BST1: variants seen among roughly 807,000 people sequenced by gnomAD.
BST1 encodes ADP-ribosyl cyclase/cyclic ADP-ribose hydrolase 2.
BST1 carries 49 observed loss-of-function variants against 40.6 expected under a neutral mutation model. The ratio of observed to expected loss-of-function variants is 1.21; its 90% CI spans 0.96 to 1.53. The LOEUF (loss-of-function observed/expected upper bound fraction) is 1.53, where lower values mean the gene tolerates loss of function less well. Ranked by LOEUF, BST1 falls within the 40% of genes most tolerant of loss-of-function variation. The pLI, the probability that BST1 is intolerant of heterozygous loss-of-function variation, is 0.00. For synonymous variants in BST1, 157 were observed against 159.3 expected (o/e 0.99, Z 0.11); for missense variants, 423 against 395.9 (o/e 1.07, Z -0.58).
the BST1 span, among the ~76,000 whole-genome samples, chr4:15,763,617 TACAATTTA>T: frequency 2.4e-4 from 36 of 151,998 alleles, no homozygotes; most frequent in Non-Finnish European, 4.3e-4. Flanking sequence ...AGCAGAATTT[TACAATTTA>T]TTAGAGTAAG....
chr4:15,717,021 C>A (rs932629232), intron 6 of BST1, among the ~76,000 whole-genome samples: 3 of 152,112 alleles, frequency 2.0e-5, no homozygotes, highest in African/African-American at 7.2e-5. Flanking sequence ...AGGTGATCCA[C>A]CTGAGGCTTC....
downstream of BST1, among the ~76,000 whole-genome samples, chr4:15,733,439 G>A (rs1375359939): frequency 1.3e-5 from 2 of 152,124 alleles, no homozygotes; most frequent in Non-Finnish European, 2.9e-5. Flanking sequence ...ACAGAGTGCT[G>A]ACTGGTGCAT....
chr4:15,741,672 T>C (rs1208636123), downstream of BST1, among the ~76,000 whole-genome samples: 1 of 152,210 alleles, frequency 6.6e-6, no homozygotes, highest in Non-Finnish European at 1.5e-5. Context: ...CATTATTTCA[T>C]GGCGTCTGAA....
intron 1 of BST1, among the ~76,000 whole-genome samples, chr4:15,704,043 G>GA (rs1719730603): frequency 6.8e-6 from 1 of 147,808 alleles, no homozygotes; most frequent in African/African-American, 2.5e-5. Context: ...TTCTAGAGGT[G>GA]TGTGTGTATC....
At chr4:15,710,173 C>T (rs1720113387) in intron 3 of BST1, among the ~76,000 whole-genome samples, 1 of 151,780 alleles carries the variant, frequency 6.6e-6, no homozygotes, top group African/African-American at 2.4e-5. Flanking sequence ...ATGGTCTTGC[C>T]ATGTTGCCCA....
At chr4:15,767,362 G>T in the BST1 span, among the ~76,000 whole-genome samples, 3 of 151,290 alleles carry the variant, frequency 2.0e-5, no homozygotes, top group South Asian at 2.1e-4. Flanking sequence ...GGAGTGTAAT[G>T]GTGTGATCTC....
At chr4:15,741,040 T>C (rs1469026960), downstream of BST1, among the ~76,000 whole-genome samples, 3 of 152,014 alleles carry the variant, frequency 2.0e-5, no homozygotes, top group Non-Finnish European at 2.9e-5. Flanking sequence ...TTACTGATGA[T>C]ATTGATTAGG....
chr4:15,754,147 G>A, the BST1 span, among the ~76,000 whole-genome samples: 3 of 152,192 alleles, frequency 2.0e-5, no homozygotes, highest in Non-Finnish European at 2.9e-5. Context: ...GGAAAACCAC[G>A]ATGGAGGCCT....
At chr4:15,767,092 G>A in the BST1 span, among the ~76,000 whole-genome samples, 18 of 151,336 alleles carry the variant, frequency 1.2e-4, no homozygotes, top group South Asian at 6.2e-4. Flanking sequence ...AGCCAGAGCC[G>A]AAGCCTAAAA....
At chr4:15,742,104 T>C (rs1005061749), downstream of BST1, among the ~76,000 whole-genome samples, 2 of 152,250 alleles carry the variant, frequency 1.3e-5, no homozygotes, top group African/African-American at 2.4e-5. Flanking sequence ...AGGTGGTCTC[T>C]TCTCTTGCTC....
chr4:15,711,531 G>A (rs1476785243), intron 3 of BST1, among the ~76,000 whole-genome samples: 1 of 152,164 alleles, frequency 6.6e-6, no homozygotes, highest in African/African-American at 2.4e-5. Flanking sequence ...ATGCTCAGTG[G>A]TCAGCTAGAC....
At chr4:15,740,500 A>G (rs111433850), downstream of BST1, among the ~76,000 whole-genome samples, 3,712 of 152,218 alleles carry the variant, frequency 0.024, 165 homozygotes, top group African/African-American at 0.085. Flanking sequence ...GTTGAACCTG[A>G]AAAAACGAGA....
chr4:15,723,852 A>G (rs1360798857), intron 8 of BST1, among the ~76,000 whole-genome samples: 1 of 152,078 alleles, frequency 6.6e-6, no homozygotes, highest in Non-Finnish European at 1.5e-5. Flanking sequence ...CCTCCACGCT[A>G]TGTATTTTCT....
At chr4:15,761,453 A>G in the BST1 span, among the ~76,000 whole-genome samples, 1 of 152,022 alleles carries the variant, frequency 6.6e-6, no homozygotes, top group Non-Finnish European at 1.5e-5. Flanking sequence ...ACCATAATAC[A>G]GGGAACGTAT....
chr4:15,732,954 G>A (rs1029999882), downstream of BST1, among the ~76,000 whole-genome samples: 2 of 152,130 alleles, frequency 1.3e-5, no homozygotes, highest in Admixed American at 1.3e-4. Context: ...CCTTCTGGTG[G>A]GTTCGTGGTC....
downstream of BST1, among the ~76,000 whole-genome samples, chr4:15,742,837 T>C (rs947809811): frequency 6.6e-6 from 1 of 152,216 alleles, no homozygotes; most frequent in East Asian, 1.9e-4. Flanking sequence ...TCGAACTGAT[T>C]GTATCTGAGA....
intron 8 of BST1, 22 bp downstream of exon 8, chr4:15,722,956 A>G (rs777699325): frequency 1.2e-6 from 2 of 1,608,684 alleles, no homozygotes; most frequent in Non-Finnish European, 8.5e-7. Context: ...TCTTAACCCA[A>G]ATCGTTCTTT....
the BST1 span, among the ~76,000 whole-genome samples, chr4:15,762,195 A>T: frequency 1.2e-5 from 1 of 86,274 alleles, no homozygotes. Context: ...TCTCAAAAAA[A>T]AAAAAAAAAA....
rs776038352 is a variant in BST1, at chr4:15,703,143, C to A, written c.-2C>A. The A allele has an allele frequency of 1.3e-6, 2 of 1,579,122 alleles. No individual in the cohort carries two copies. Among genetic ancestry groups the A allele is most frequent in the East Asian group, 2.3e-5 (1 of 42,702 alleles). ...CGGGACTGGAGGGACCAAAGTTCCC[C>A]GATGGCGGCCCAGGGGTGCGCGGCA... On this transcript the variant is annotated 5_prime_UTR_variant, in exon 1 of 9. Transcript: ENST00000265016.
Sources: allele counts gnomAD v4.1 joint callset (sites outside exome capture counted in the v4.1 genomes callset), GRCh38; gene constraint gnomAD v4.1.1; transcripts MANE v1.5; gene names NCBI Gene and HGNC (gene_info 2026-07-23, HGNC 2026-07-21).